CPXM2: variants seen among roughly 807,000 people sequenced by gnomAD.
CPXM2 encodes inactive carboxypeptidase-like protein X2.
A neutral mutation model predicts 86.1 loss-of-function variants in CPXM2; 66 were observed. The ratio of observed to expected loss-of-function variants is 0.77; its 90% CI spans 0.63 to 0.94. The LOEUF is 0.94. Ranked by LOEUF, CPXM2 falls within the 40% of genes least tolerant of loss-of-function variation. The probability of loss-of-function intolerance (pLI) is 0.00; values close to 1 mark genes in which losing one functional copy is unlikely to be tolerated. For missense variants in CPXM2, 948 were observed against 1,026.3 expected, an observed-to-expected ratio of 0.92 and a Z score of 1.04; for synonymous variants, 388 against 400.2, an observed-to-expected ratio of 0.97 and a Z score of 0.36.
intron 2 of CPXM2, among the ~76,000 whole-genome samples, chr10:123,901,807 A>G (rs997628879): frequency 5.9e-5 from 9 of 152,166 alleles, no homozygotes; most frequent in Non-Finnish European, 1.0e-4. Context: ...GCTTGTGCCA[A>G]TCAGAGACCA....
chr10:123,856,732 C>T (rs1848731409), intron 3 of CPXM2, among the ~76,000 whole-genome samples: 2 of 147,752 alleles, frequency 1.4e-5, no homozygotes, highest in South Asian at 4.3e-4. Context: ...GCTGGGATTA[C>T]AGGCGTGTGC....
chr10:123,768,359 G>A (rs1486013222), intron 9 of CPXM2, 167 bp downstream of exon 9: 1 of 349,604 alleles, frequency 2.9e-6, no homozygotes, highest in African/African-American at 2.2e-5. Flanking sequence ...GGGCAACAGA[G>A]GGAGACTCCG....
chr10:123,862,668 G>A lies in CPXM2; in HGVS notation c.459C>T (p.Ala153=). The change falls in exon 3 of 14, where the codon GCC becomes GCT. Residue 153 remains alanine, a synonymous_variant. Transcript: ENST00000241305. The stretch of plus-strand genomic sequence containing the variant: ...CCAGGCCATAGCGCTTCACCGTGGA[G>A]GCATGGAGCTGGAAGTCTGTGATTT... ...TLKITDFQLH[A]STVKRYGLGA... 6.8e-6 allele frequency: 11 copies of A among 1,614,176 alleles called. No individual in the cohort carries two copies. Among genetic ancestry groups the A allele is most frequent in the Non-Finnish European group, 9.3e-6 (11 of 1,180,040 alleles).
intron 3 of CPXM2, among the ~76,000 whole-genome samples, chr10:123,860,451 GA>G (rs1254688195): frequency 3.3e-5 from 5 of 152,066 alleles, no homozygotes; most frequent in Non-Finnish European, 7.4e-5. Flanking sequence ...TCTGCCGGTG[GA>G]ATTCCCAACT....
At chr10:123,875,607 G>A (rs1590089825) in intron 2 of CPXM2, among the ~76,000 whole-genome samples, 1 of 152,094 alleles carries the variant, frequency 6.6e-6, no homozygotes. Flanking sequence ...GTGATGCAAT[G>A]AAAAACCCTC....
At chr10:123,833,812 C>G (rs1409757508) in intron 4 of CPXM2, among the ~76,000 whole-genome samples, 1 of 152,154 alleles carries the variant, frequency 6.6e-6, no homozygotes, top group Admixed American at 6.5e-5. Flanking sequence ...TTCGGCTTAG[C>G]TGGAGATAAG....
intron 2 of CPXM2, among the ~76,000 whole-genome samples, chr10:123,867,342 A>T (rs191036351): frequency 3.3e-5 from 5 of 152,336 alleles, no homozygotes; most frequent in Admixed American, 2.6e-4. Context: ...ATGAGAAAGT[A>T]AGGGGCTAGA....
chr10:123,914,619 T>C (rs1945519876), intron 2 of CPXM2, among the ~76,000 whole-genome samples: 1 of 152,164 alleles, frequency 6.6e-6, no homozygotes, highest in Non-Finnish European at 1.5e-5. Context: ...ACCTGGATGG[T>C]TACTTAAGCC....
At chr10:123,785,275 C>T (rs964054046) in intron 6 of CPXM2, among the ~76,000 whole-genome samples, 3 of 152,212 alleles carry the variant, frequency 2.0e-5, no homozygotes, top group Non-Finnish European at 2.9e-5. Flanking sequence ...AGCCTATTTT[C>T]CCCTGAGTTG....
At chr10:123,899,575 G>T (rs868773030) in intron 2 of CPXM2, among the ~76,000 whole-genome samples, 68 of 152,310 alleles carry the variant, frequency 4.5e-4, no homozygotes, top group African/African-American at 1.6e-3. Context: ...CCAGCACTTT[G>T]CGAGGCCGAG....
At chr10:123,759,161 C>T (rs182149400) in intron 11 of CPXM2, among the ~76,000 whole-genome samples, 2 of 152,246 alleles carry the variant, frequency 1.3e-5, no homozygotes, top group Non-Finnish European at 2.9e-5. Flanking sequence ...ACATGGGCCC[C>T]GGTCTCATTG....
chr10:123,937,715 A>G (rs955641523), intron 2 of CPXM2, among the ~76,000 whole-genome samples: 4 of 152,130 alleles, frequency 2.6e-5, no homozygotes, highest in African/African-American at 9.7e-5. Context: ...AAGGGAAACA[A>G]GATTTTTGAA....
intron 6 of CPXM2, among the ~76,000 whole-genome samples, chr10:123,794,702 A>G (rs1847286473): frequency 6.6e-6 from 1 of 151,656 alleles, no homozygotes; most frequent in African/African-American, 2.4e-5. Context: ...TATTAATAGC[A>G]ATCAAATCAT....
rs1046113962 is a variant in CPXM2 at position 123,891,610 on chromosome 10, G to A, written c.50C>T (p.Ala17Val). 3 of 1,507,896 alleles carry A rather than the reference G, an allele frequency of 2.0e-6. No homozygotes were observed. Among genetic ancestry groups the A allele is most frequent in the Non-Finnish European group, 1.8e-6 (2 of 1,127,920 alleles). 93.4% of individuals were successfully genotyped at this position (1,507,896 alleles called of 1,614,324 possible). A position where few individuals can be genotyped will look rare whatever the true frequency, so the allele number is the denominator to read the frequency against. The change falls in exon 1 of 14, where the codon GCA becomes GTA. Residue 17 changes from alanine (A) to valine (V), a missense_variant. Ala to Val is a moderately conservative substitution (Grantham distance 64). Transcript: ENST00000241305. The surrounding 1 kb of genome is among the most constrained non-coding windows in gnomAD (Gnocchi z 5.6). ...ATPALALVLL[A>V]VTLAGVGAQG... is the part of the protein sequence containing the mutation. ...GGCTCCGACCCCGGCCAGGGTCACT[G>A]CCAGGAGCACCAGGGCCAGCGCTGG...
intron 12 of CPXM2, among the ~76,000 whole-genome samples, chr10:123,756,599 T>C (rs914001977): frequency 2.2e-5 from 3 of 139,134 alleles, no homozygotes; most frequent in Non-Finnish European, 4.7e-5. Flanking sequence ...CCCATATTCA[T>C]ATGTTGAAGC....
intron 1 of CPXM2, chr10:123,887,168 G>A (rs2134244008): frequency 6.6e-6 from 1 of 152,310 alleles, no homozygotes; most frequent in Non-Finnish European, 1.5e-5. Flanking sequence ...CCACTGAATG[G>A]TGAGAGTCCA....
chr10:123,921,658 G>C (rs1945580280), intron 2 of CPXM2, among the ~76,000 whole-genome samples: 1 of 152,208 alleles, frequency 6.6e-6, no homozygotes, highest in Non-Finnish European at 1.5e-5. Context: ...TGGTAGCAGA[G>C]GCTCAGATTC....
At position 123,914,013 on chromosome 10, in the gene CPXM2, G is replaced by C. The variant is rs767036590; in HGVS notation, n.174+25464C>G. 4 of 495,302 alleles carry C rather than the reference G, an allele frequency of 8.1e-6. No individual in the cohort carries two copies. In the Admixed American group the frequency reaches 8.2e-5, roughly 10 times the overall value. The allele number at this position is 495,302 out of a possible 1,614,324, so 30.7% of individuals were successfully genotyped here. Reference sequence around the variant, plus strand: ...TTGCCAACCGCATTCCCTCCCCTGGGGTTTCAGAATCCAACCTTAAAGGCA... The same window carrying C: ...TTGCCAACCGCATTCCCTCCCCTGGCGTTTCAGAATCCAACCTTAAAGGCA... On this transcript the variant is annotated intron_variant and non_coding_transcript_variant, in intron 2 of 19. Coordinates refer to the CPXM2 transcript ENST00000368854.
At chr10:123,927,634 C>A (rs929610888) in intron 2 of CPXM2, among the ~76,000 whole-genome samples, 1 of 152,184 alleles carries the variant, frequency 6.6e-6, no homozygotes, top group Non-Finnish European at 1.5e-5. Context: ...GTTGCTCATG[C>A]GGCCTTAGGG....
Sources: allele counts gnomAD v4.1 joint callset (sites outside exome capture counted in the v4.1 genomes callset), GRCh38; gene constraint gnomAD v4.1.1; non-coding constraint Gnocchi (gnomAD v3.1); transcripts MANE v1.5; gene names NCBI Gene and HGNC (gene_info 2026-07-23, HGNC 2026-07-21).